CYTH3: variants seen among roughly 807,000 people sequenced by gnomAD.
CYTH3 encodes cytohesin 3.
In CYTH3, 23 loss-of-function variants were observed where a neutral mutation model predicts 55.1. The ratio of observed to expected loss-of-function variants is 0.42; its 90% CI spans 0.30 to 0.59. CYTH3 has a LOEUF of 0.59. Among genes scored for constraint, CYTH3 ranks in the 20% least tolerant of loss-of-function variants. The probability of loss-of-function intolerance (pLI) is 0.20; values close to 1 mark genes in which losing one functional copy is unlikely to be tolerated. For synonymous variants in CYTH3, 249 were observed against 194.9 expected, an observed-to-expected ratio of 1.28 and a Z score of -2.31; for missense variants, 413 against 524.8, an observed-to-expected ratio of 0.79 and a Z score of 2.08.
At chr7:6,192,763 C>A (rs1013512801) in intron 1 of CYTH3, among the ~76,000 whole-genome samples, 14 of 150,004 alleles carry the variant, frequency 9.3e-5, no homozygotes, top group African/African-American at 3.4e-4. Flanking sequence ...GAACTCCTGA[C>A]CTCAAGTGAT....
chr7:6,236,035 C>A (rs1583185368), intron 1 of CYTH3, among the ~76,000 whole-genome samples: 1 of 152,114 alleles, frequency 6.6e-6, no homozygotes, highest in African/African-American at 2.4e-5. Flanking sequence ...CATGCATATC[C>A]CCTCCAACAA....
chr7:6,223,836 T>TAAAAAAA (rs58813864), intron 1 of CYTH3, among the ~76,000 whole-genome samples: 7 of 24,314 alleles, frequency 2.9e-4, no homozygotes, highest in Non-Finnish European at 5.4e-4. Flanking sequence ...CAATAAATAC[T>TAAAAAAA]AAAAAAAAAA....
chr7:6,248,549 C>T (rs1443192268), intron 1 of CYTH3, among the ~76,000 whole-genome samples: 7 of 152,150 alleles, frequency 4.6e-5, no homozygotes, highest in Non-Finnish European at 5.9e-5. Context: ...AGGACTGTGG[C>T]GCCCAGGAGA....
intron 1 of CYTH3, among the ~76,000 whole-genome samples, chr7:6,211,921 G>A (rs1784327185): frequency 6.6e-6 from 1 of 152,156 alleles, no homozygotes; most frequent in African/African-American, 2.4e-5. Context: ...AGGAGGTGAA[G>A]GTTGCAGTGA....
Position 6,162,112 on chromosome 7 carries a change from T to C in CYTH3, c.*2832A>G, listed in dbSNP as rs538147007. 2.0e-5 allele frequency: 3 copies of C among 152,788 alleles called. No individual in the cohort carries two copies. The highest frequency in any genetic ancestry group is 7.2e-5 in the African/African-American group (3 of 41,590). The allele number at this position is 152,788 out of a possible 1,614,324, so 9.5% of individuals were successfully genotyped here. On this transcript the variant is annotated 3_prime_UTR_variant, in exon 13 of 13. Transcript: ENST00000350796. ...TTGTAACTTTAAAAATAGGCATTGC[T>C]TTCTATGAAGCACTAAGTGCTGCTC...
intron 4 of CYTH3, among the ~76,000 whole-genome samples, chr7:6,183,576 A>G (rs543023573): frequency 6.6e-6 from 1 of 152,326 alleles, no homozygotes; most frequent in South Asian, 2.1e-4. Flanking sequence ...GAGACTTAGA[A>G]AACACCATCC....
At chr7:6,204,183 C>A (rs1784131781) in intron 1 of CYTH3, among the ~76,000 whole-genome samples, 1 of 152,034 alleles carries the variant, frequency 6.6e-6, no homozygotes, top group Non-Finnish European at 1.5e-5. Flanking sequence ...AAGCTAACGA[C>A]GCATCTTACA....
intron 1 of CYTH3, among the ~76,000 whole-genome samples, chr7:6,234,993 C>A (rs1779480530): frequency 6.6e-6 from 1 of 152,220 alleles, no homozygotes. Context: ...TGCCTTGCAT[C>A]TGGTCCTAAA....
intron 1 of CYTH3, among the ~76,000 whole-genome samples, chr7:6,204,161 T>A (rs1171011210): frequency 6.6e-6 from 1 of 152,214 alleles, no homozygotes; most frequent in Admixed American, 6.5e-5. Context: ...TTTTTTCTTC[T>A]TAATGGAACA....
chr7:6,257,249 A>C (rs571240982), intron 1 of CYTH3, among the ~76,000 whole-genome samples: 3 of 152,350 alleles, frequency 2.0e-5, no homozygotes, highest in Middle Eastern at 3.4e-3. Flanking sequence ...TCATGTGAAC[A>C]GGCCAAACAT....
At chr7:6,253,811 G>C (rs1441303320) in intron 1 of CYTH3, among the ~76,000 whole-genome samples, 2 of 151,174 alleles carry the variant, frequency 1.3e-5, no homozygotes, top group Non-Finnish European at 2.9e-5. Context: ...GTGAGATGCT[G>C]TCTCAAAAAT....
rs1279394554 is a variant in CYTH3 at position 6,224,331 on chromosome 7, AAAAG to A, written c.35-33804_35-33801del. Among the ~76,000 whole-genome samples, 7 of 152,164 alleles carry A rather than the reference AAAAG, an allele frequency of 4.6e-5. No homozygotes were observed. In the East Asian group the frequency reaches 1.3e-3, roughly 29 times the overall value. On this transcript the variant is annotated intron_variant, in intron 1 of 12. Coordinates refer to ENST00000350796, the MANE Select transcript of CYTH3 (RefSeq NM_004227.4). ...AAAAATAGGTAAAAAAAAAAAAAAAAAAAGATTGATGGAACCGACTATAGAGCCT... is the reference window on the plus strand; with the variant it reads ...AAAAATAGGTAAAAAAAAAAAAAAAAATTGATGGAACCGACTATAGAGCCT...
At chr7:6,260,525 C>G (rs1268831939) in intron 1 of CYTH3, among the ~76,000 whole-genome samples, 4 of 152,126 alleles carry the variant, frequency 2.6e-5, no homozygotes, top group Non-Finnish European at 4.4e-5. Context: ...AAAGACACAC[C>G]TTCCCCCACT....
chr7:6,259,772 T>TAATATATATATATA (rs1491219669), intron 1 of CYTH3, among the ~76,000 whole-genome samples: 1 of 30,496 alleles, frequency 3.3e-5, no homozygotes, highest in Non-Finnish European at 4.6e-5. Context: ...TATATATATA[T>TAATATATATATATA]TATATATATA....
chr7:6,264,083 C>A (rs1281042237), intron 1 of CYTH3, among the ~76,000 whole-genome samples: 1 of 151,818 alleles, frequency 6.6e-6, no homozygotes, highest in Non-Finnish European at 1.5e-5. Context: ...CCCATCGCTA[C>A]TAAAAATGCA....
chr7:6,260,883 C>G (rs879251776), intron 1 of CYTH3, among the ~76,000 whole-genome samples: 1 of 152,196 alleles, frequency 6.6e-6, no homozygotes, highest in African/African-American at 2.4e-5. Context: ...GAGCAGCAGA[C>G]TGACACAGCC....
intron 1 of CYTH3, among the ~76,000 whole-genome samples, chr7:6,256,237 G>A (rs530912618): frequency 1.3e-5 from 2 of 152,156 alleles, no homozygotes; most frequent in African/African-American, 2.4e-5. Context: ...CCTGAGACTC[G>A]AGAACTTCTG....
Position 6,171,217 on chromosome 7 carries a change from C to T in CYTH3, c.547G>A (p.Val183Ile). The T allele has an allele frequency of 6.2e-7, 1 of 1,614,128 alleles. No individual in the cohort carries two copies. Among genetic ancestry groups the T allele is most frequent in the Non-Finnish European group, 8.5e-7 (1 of 1,180,002 alleles). The change falls in exon 7 of 13, where the codon GTC becomes ATC. Residue 183 changes from valine to isoleucine, a missense_variant. Transcript: ENST00000350796. This position sits in a 1 kb window ranked among gnomAD's most constrained non-coding sequence, Gnocchi z 6.7. Reference sequence around the variant, plus strand: ...CTGCACTGACCTGTGGACTGGAAGACCCCGGGGTTGCACAGGCAGTAGCGA... The same window carrying T: ...CTGCACTGACCTGTGGACTGGAAGATCCCGGGGTTGCACAGGCAGTAGCGA... ...ASRYCLCNPG[V>I]FQSTDTCYVL...
At chr7:6,262,259 A>G (rs1324830777) in intron 1 of CYTH3, among the ~76,000 whole-genome samples, 1 of 152,226 alleles carries the variant, frequency 6.6e-6, no homozygotes, top group Non-Finnish European at 1.5e-5. Flanking sequence ...GAGATGAGAC[A>G]GGAAATGCAG....
Sources: gnomAD v4.1 joint callset for allele counts (sites outside exome capture counted in the v4.1 genomes callset) on GRCh38, gnomAD v4.1.1 for gene constraint, Gnocchi (gnomAD v3.1) non-coding constraint, MANE v1.5 for transcripts, NCBI Gene and HGNC (gene_info 2026-07-23, HGNC 2026-07-21) for gene names.